LRMDA: variants seen among roughly 807,000 people sequenced by gnomAD.
LRMDA encodes the protein leucine rich melanocyte differentiation associated.
Under a neutral mutation model 29.8 loss-of-function variants are expected in LRMDA, and 18 were observed. The ratio of observed to expected loss-of-function variants is 0.60; its 90% CI spans 0.42 to 0.90. The LOEUF (loss-of-function observed/expected upper bound fraction) is 0.90, where lower values mean the gene tolerates loss of function less well. LRMDA is among the 40% of genes least tolerant of loss of function. The pLI is 0.00. For synonymous variants in LRMDA, 125 were observed against 109.4 expected, an observed-to-expected ratio of 1.14 and a Z score of -0.89; for missense variants, 273 against 273.9, an observed-to-expected ratio of 1.00 and a Z score of 0.02.
intron 2 of LRMDA, among the ~76,000 whole-genome samples, chr10:75,712,793 C>A (rs1301570438): frequency 6.6e-6 from 1 of 151,946 alleles, no homozygotes; most frequent in Non-Finnish European, 1.5e-5. Flanking sequence ...TCTTTTTCAG[C>A]GTCCCCCCAC....
intron 6 of LRMDA, among the ~76,000 whole-genome samples, chr10:76,415,813 G>T (rs990288914): frequency 6.6e-6 from 1 of 152,138 alleles, no homozygotes; most frequent in Non-Finnish European, 1.5e-5. Context: ...GTTCCTGTGC[G>T]CACGAGATGC....
intron 5 of LRMDA, among the ~76,000 whole-genome samples, chr10:76,259,389 G>T (rs989677710): frequency 3.0e-4 from 45 of 152,068 alleles, no homozygotes; most frequent in African/African-American, 1.1e-3. Flanking sequence ...CATTCCTTTT[G>T]TTATTGACTT....
intron 6 of LRMDA, among the ~76,000 whole-genome samples, chr10:76,519,620 A>C (rs1403155006): frequency 2.0e-5 from 3 of 152,154 alleles, no homozygotes; most frequent in African/African-American, 7.2e-5. Context: ...TTTCCCACAA[A>C]ACTGTACTAA....
chr10:75,731,246 G>A (rs1194792109), intron 2 of LRMDA, among the ~76,000 whole-genome samples: 1 of 152,208 alleles, frequency 6.6e-6, no homozygotes, highest in African/African-American at 2.4e-5. Flanking sequence ...ACAACTTTCT[G>A]ATATGGTAAC....
intron 2 of LRMDA, among the ~76,000 whole-genome samples, chr10:75,906,705 C>T (rs1009693021): frequency 1.3e-4 from 20 of 152,210 alleles, no homozygotes; most frequent in African/African-American, 4.6e-4. Context: ...AAATACAAAT[C>T]CATCCACGGA....
At chr10:76,126,450 A>G (rs1425810784) in intron 5 of LRMDA, among the ~76,000 whole-genome samples, 1 of 152,230 alleles carries the variant, frequency 6.6e-6, no homozygotes, top group African/African-American at 2.4e-5. Context: ...CAGGAATTAT[A>G]GAACTGCTGG....
At chr10:76,267,338 A>T (rs1232686560) in intron 5 of LRMDA, among the ~76,000 whole-genome samples, 3 of 152,190 alleles carry the variant, frequency 2.0e-5, no homozygotes, top group African/African-American at 7.2e-5. Context: ...ATATATAAAA[A>T]ATTTACCATT....
intron 5 of LRMDA, among the ~76,000 whole-genome samples, chr10:76,071,306 A>T (rs996031365): frequency 6.6e-6 from 1 of 152,262 alleles, no homozygotes; most frequent in Non-Finnish European, 1.5e-5. Flanking sequence ...TTGGCTCTTT[A>T]GACAATTAGA....
intron 6 of LRMDA, among the ~76,000 whole-genome samples, chr10:76,410,298 C>CTTTCT (rs1841945533): frequency 1.5e-5 from 1 of 66,546 alleles, no homozygotes; most frequent in Non-Finnish European, 2.8e-5. Flanking sequence ...CACTTTCTTT[C>CTTTCT]TTTTTTTTTT....
intron 2 of LRMDA, among the ~76,000 whole-genome samples, chr10:75,630,526 T>G (rs1841309633): frequency 6.6e-6 from 1 of 152,218 alleles, no homozygotes; most frequent in African/African-American, 2.4e-5. Context: ...GAAGGGATAT[T>G]AGAGTCCCAA....
intron 5 of LRMDA, among the ~76,000 whole-genome samples, chr10:76,297,029 C>T (rs1223948068): frequency 5.3e-5 from 8 of 152,190 alleles, no homozygotes; most frequent in Non-Finnish European, 1.2e-4. Context: ...TCTGAGCTCT[C>T]AGTCCAGTGC....
intron 2 of LRMDA, among the ~76,000 whole-genome samples, chr10:76,009,683 C>G (rs1329053883): frequency 6.6e-6 from 1 of 152,202 alleles, no homozygotes; most frequent in Admixed American, 6.5e-5. Context: ...TTATGTGTGT[C>G]TCTTTGTGGT....
intron 5 of LRMDA, among the ~76,000 whole-genome samples, chr10:76,076,546 A>T (rs1848962774): frequency 6.6e-6 from 1 of 152,092 alleles, no homozygotes; most frequent in Admixed American, 6.5e-5. Context: ...AAGACAGATG[A>T]AGTGGAGCCT....
rs534509216 is a variant in LRMDA at position 75,703,946 on chromosome 10, G to A, written c.131+265452G>A. On this transcript the variant is annotated intron_variant, in intron 2 of 6. Coordinates refer to ENST00000611255, the MANE Select transcript of LRMDA (RefSeq NM_001305581.2). ...ATGCTCCCAACAGTGACTGGCATTA[G>A]GGTAGGAGGAATTTCAGAGAGCCAA... Among the ~76,000 whole-genome samples, 11 of 152,300 alleles carry A rather than the reference G, an allele frequency of 7.2e-5. 1 individual carries two copies. Among genetic ancestry groups the A allele is most frequent in the African/African-American group, 2.6e-4 (11 of 41,556 alleles).
At chr10:75,573,235 A>G (rs1840458878) in intron 2 of LRMDA, among the ~76,000 whole-genome samples, 1 of 152,188 alleles carries the variant, frequency 6.6e-6, no homozygotes, top group African/African-American at 2.4e-5. Context: ...GTTTTTCATT[A>G]TAATATTACA....
At chr10:76,410,077 T>C (rs1025699556) in intron 6 of LRMDA, among the ~76,000 whole-genome samples, 3 of 152,010 alleles carry the variant, frequency 2.0e-5, no homozygotes, top group African/African-American at 7.2e-5. Context: ...GGGAACAGCA[T>C]GTATAATGGG....
rs908289941 is a variant in LRMDA at position 75,440,716 on chromosome 10, A to G, written c.131+2222A>G. ...TGAATCAACATCTAAGATGTTTTAG[A>G]TGCTTAGCTAATTCCTCTTAAAAAA... On this transcript the variant is annotated intron_variant, in intron 2 of 6. Coordinates refer to ENST00000611255, the MANE Select transcript of LRMDA (RefSeq NM_001305581.2). Among the ~76,000 whole-genome samples, 8 of 152,150 alleles carry G rather than the reference A, an allele frequency of 5.3e-5. No homozygotes were observed. The South Asian group carries it at 1.7e-3, about 32-fold the overall frequency.
chr10:76,264,308 G>A (rs1373032908), intron 5 of LRMDA, among the ~76,000 whole-genome samples: 2 of 151,436 alleles, frequency 1.3e-5, no homozygotes, highest in Admixed American at 1.3e-4. Flanking sequence ...TTGGGAGGCT[G>A]AGGCATGAGA....
At chr10:75,492,054 C>G (rs939852512) in intron 2 of LRMDA, among the ~76,000 whole-genome samples, 5 of 152,182 alleles carry the variant, frequency 3.3e-5, no homozygotes, top group Non-Finnish European at 7.3e-5. Context: ...GGACACAGAA[C>G]TGAGCAGATG....
Sources: gnomAD v4.1 joint callset for allele counts (sites outside exome capture counted in the v4.1 genomes callset) on GRCh38, gnomAD v4.1.1 for gene constraint, MANE v1.5 for transcripts, NCBI Gene and HGNC (gene_info 2026-07-23, HGNC 2026-07-21) for gene names.